The following ANKS4B variants were observed in gnomAD, a reference collection of about 807,000 sequenced individuals.
The protein encoded by ANKS4B is ankyrin repeat and SAM domain-containing protein 4B.
A neutral mutation model predicts 20.2 loss-of-function variants in ANKS4B; 21 were observed. The observed-to-expected ratio is 1.04, with a 90% confidence interval of 0.74 to 1.50. ANKS4B has a LOEUF of 1.50. Ranked by LOEUF, ANKS4B falls within the 40% of genes most tolerant of loss-of-function variation. ANKS4B has a pLI of 0.00. For missense variants in ANKS4B, 473 were observed against 494.6 expected, an observed-to-expected ratio of 0.96 and a Z score of 0.41; for synonymous variants, 179 against 194.5, an observed-to-expected ratio of 0.92 and a Z score of 0.66.
rs2093338786 is a variant in ANKS4B, at chr16:21,250,990, C to T, written c.*170C>T. Reference sequence around the variant, plus strand: ...TTTACTCTGGGAGGTAGGCTATGCCCATCCAAATAAATCTCCATGAGAAAC... The same window carrying T: ...TTTACTCTGGGAGGTAGGCTATGCCTATCCAAATAAATCTCCATGAGAAAC... On this transcript the variant is annotated 3_prime_UTR_variant, in exon 2 of 2. Transcript: ENST00000311620. 2 of 843,844 alleles carry T rather than the reference C, an allele frequency of 2.4e-6. No individual in the cohort carries two copies. Among genetic ancestry groups the T allele is most frequent in the Admixed American group, 3.1e-5 (1 of 32,706 alleles). The allele number at this position is 843,844 out of a possible 1,614,324, so 52.3% of individuals were successfully genotyped here. A position where few individuals can be genotyped will look rare whatever the true frequency, so the allele number is the denominator to read the frequency against.
chr16:21,247,008 C>A (rs892456178), intron 1 of ANKS4B, among the ~76,000 whole-genome samples: 4 of 151,820 alleles, frequency 2.6e-5, no homozygotes, highest in Admixed American at 2.6e-4. Flanking sequence ...GCGGATCTTG[C>A]TAAAGTGTAG....
chr16:21,245,880 G>A (rs575142871), intron 1 of ANKS4B, among the ~76,000 whole-genome samples: 4 of 152,276 alleles, frequency 2.6e-5, no homozygotes, highest in Admixed American at 2.6e-4. Flanking sequence ...GCAAGGGCAA[G>A]GATAATAAGT....
chr16:21,250,863 G>T lies in ANKS4B; in HGVS notation c.*43G>T. On this transcript the variant is annotated 3_prime_UTR_variant, in exon 2 of 2. Coordinates refer to ENST00000311620, the MANE Select transcript of ANKS4B (RefSeq NM_145865.3). Reference sequence around the variant, plus strand: ...GAGCATTGGGGTGATGCTGTGGCCCGCTGGCAGCACTCCAGGCGGCACCCC... The same window carrying T: ...GAGCATTGGGGTGATGCTGTGGCCCTCTGGCAGCACTCCAGGCGGCACCCC... The T allele has an allele frequency of 6.5e-7, 1 of 1,539,398 alleles. No individual in the cohort carries two copies. The highest frequency in any genetic ancestry group is 1.9e-5 in the Admixed American group (1 of 51,968).
Position 21,250,013 on chromosome 16 carries a change from G to A in ANKS4B, c.447G>A (p.Glu149=), listed in dbSNP as rs377207275. 3.1e-6 allele frequency: 5 copies of A among 1,614,086 alleles called. No homozygotes were observed. The highest frequency in any genetic ancestry group is 4.2e-6 in the Non-Finnish European group (5 of 1,180,050). ...AQKNARRQIK[E]CERLQEKHQN... is the part of the protein sequence containing the mutation. Reference sequence around the variant, plus strand: ...AGAATGCCAGGAGGCAGATCAAAGAGTGTGAGAGGCTCCAGGAGAAGCACC... The same window carrying A: ...AGAATGCCAGGAGGCAGATCAAAGAATGTGAGAGGCTCCAGGAGAAGCACC... The change falls in exon 2 of 2, where the codon GAG becomes GAA. Residue 149 remains glutamate (E), a synonymous_variant. Coordinates refer to ENST00000311620, the MANE Select transcript of ANKS4B (RefSeq NM_145865.3).
intron 1 of ANKS4B, among the ~76,000 whole-genome samples, chr16:21,245,428 G>T (rs1477435463): frequency 6.6e-6 from 1 of 152,118 alleles, no homozygotes; most frequent in Non-Finnish European, 1.5e-5. Flanking sequence ...AGGAGACAAG[G>T]CATAAATATT....
At position 21,243,646 on chromosome 16, in the gene ANKS4B, A is replaced by C. The variant is rs567159590; in HGVS notation, c.165-6085A>C. On this transcript the variant is annotated intron_variant, in intron 1 of 1. Transcript: ENST00000311620. ...GAGTGCAGTGGTGTGATCTCAGCTC[A>C]CTGCAAGCTCCGCCTCCTGGGTTCA... 2.6e-3 allele frequency among the ~76,000 whole-genome samples: 395 copies of C among 152,198 alleles called. 3 individuals are homozygous for C. The highest frequency in any genetic ancestry group is 8.7e-3 in the African/African-American group (363 of 41,504).
chr16:21,243,143 T>C (rs775662547), intron 1 of ANKS4B, among the ~76,000 whole-genome samples: 2 of 152,056 alleles, frequency 1.3e-5, no homozygotes, highest in Non-Finnish European at 2.9e-5. Context: ...GGAGGAAAAA[T>C]TGGAATGTAA....
chr16:21,234,333 C>G (rs777222853), intron 1 of ANKS4B, among the ~76,000 whole-genome samples: 4 of 151,960 alleles, frequency 2.6e-5, no homozygotes, highest in Admixed American at 6.6e-5. Context: ...ATCTCACAGT[C>G]TTTTATTAAC....
At chr16:21,242,603 G>C (rs1478668620) in intron 1 of ANKS4B, among the ~76,000 whole-genome samples, 1 of 152,190 alleles carries the variant, frequency 6.6e-6, no homozygotes, top group African/African-American at 2.4e-5. Context: ...TGTCGAAAAT[G>C]ACAGGATCCG....
intron 1 of ANKS4B, among the ~76,000 whole-genome samples, chr16:21,239,867 G>A (rs966362498): frequency 6.6e-6 from 1 of 152,150 alleles, no homozygotes; most frequent in African/African-American, 2.4e-5. Context: ...ATGAGAACAT[G>A]TTGGCTTAGT....
chr16:21,250,561 A>G lies in ANKS4B; in HGVS notation c.995A>G (p.Asp332Gly), dbSNP rs2093338102. The change falls in exon 2 of 2, where the codon GAT (aspartate) becomes GGT (glycine). Residue 332 changes from aspartate (D) to glycine (G), a missense_variant. Coordinates refer to ENST00000311620, the MANE Select transcript of ANKS4B (RefSeq NM_145865.3). ...GGCCTCAAAGATGATCTGCCGTGGG[A>G]TGACGATGAAGTGGAGTGGGAGGAA... is the stretch of plus-strand genomic sequence containing the variant. ...ENGLKDDLPW[D>G]DDEVEWEEDV... 6.2e-7 allele frequency: 1 copy of G among 1,614,174 alleles called. No individual in the cohort carries two copies. Among genetic ancestry groups the G allele is most frequent in the African/African-American group, 1.3e-5 (1 of 75,052 alleles).
intron 1 of ANKS4B, among the ~76,000 whole-genome samples, chr16:21,245,082 A>G (rs184375507): frequency 9.2e-5 from 14 of 152,258 alleles, no homozygotes; most frequent in Middle Eastern, 6.8e-3. Flanking sequence ...AATGTGTTTT[A>G]TTTGGACTTT....
chr16:21,250,173 G>A lies in ANKS4B; in HGVS notation c.607G>A (p.Asp203Asn), dbSNP rs544595049. ...CGGGTCACTATCTAAGGGCATTAAA[G>A]ACACTTTCAAGATCAAGTTCAAGAA... ...TFGSLSKGIK[D>N]TFKIKFKKNK... The change falls in exon 2 of 2, where the codon GAC (aspartate) becomes AAC (asparagine). Residue 203 changes from aspartate (D) to asparagine (N), a missense_variant. Transcript: ENST00000311620. 1.2e-6 allele frequency: 2 copies of A among 1,614,158 alleles called. No individual in the cohort carries two copies. The highest frequency in any genetic ancestry group is 1.3e-5 in the African/African-American group (1 of 75,020).
rs934951653 is a variant in ANKS4B at position 21,252,764 on chromosome 16, C to T, written c.*1944C>T. On this transcript the variant is annotated 3_prime_UTR_variant, in exon 2 of 2. Transcript: ENST00000311620. ...GAAACTGACAACACTTGGCTCATGC[C>T]TGTAATCCCAGCACTTTGGGAGGCC... The T allele has an allele frequency of 2.6e-5, 4 of 152,216 alleles. No homozygotes were observed. Among genetic ancestry groups the T allele is most frequent in the Admixed American group, 2.0e-4 (3 of 15,282 alleles). 9.4% of individuals were successfully genotyped at this position (152,216 alleles called of 1,614,324 possible). A position where few individuals can be genotyped will look rare whatever the true frequency, so the allele number is the denominator to read the frequency against.
chr16:21,233,764 T>C lies in ANKS4B; in HGVS notation c.27T>C (p.Ala9=), dbSNP rs745804398. The change falls in exon 1 of 2, where the codon GCT becomes GCC. Residue 9 remains alanine (A), a synonymous_variant. Transcript: ENST00000311620. ...TGTCTACTCGTTACCACCAAGCTGC[T>C]AGTGATAGTTACCTGGAACTTCTAA... The part of the protein sequence containing the change: MSTRYHQA[A]SDSYLELLKE... 2.5e-6 allele frequency: 4 copies of C among 1,614,038 alleles called. No individual in the cohort carries two copies. The highest frequency in any genetic ancestry group is 1.7e-5 in the Admixed American group (1 of 60,010).
chr16:21,247,491 T>G lies in ANKS4B; in HGVS notation c.165-2240T>G, dbSNP rs190720878. Among the ~76,000 whole-genome samples the G allele has an allele frequency of 1.3e-3, 197 of 152,326 alleles. 1 individual carries two copies. Among genetic ancestry groups the G allele is most frequent in the African/African-American group, 4.7e-3 (194 of 41,584 alleles). On this transcript the variant is annotated intron_variant, in intron 1 of 1. Transcript: ENST00000311620. ...GGGTGCAGATCTTCTCTTCTGCTTC[T>G]GTCTGCCCTCTACTTCTCGGGAATG... is the stretch of plus-strand genomic sequence containing the variant.
At chr16:21,244,904 A>G (rs12445673) in intron 1 of ANKS4B, among the ~76,000 whole-genome samples, 44,504 of 151,024 alleles carry the variant, frequency 0.29, 6,722 homozygotes, top group Middle Eastern at 0.4. Context: ...TTCCTTTTCC[A>G]CTCTTTCCCC....
Position 21,253,514 on chromosome 16 carries a change from A to G in ANKS4B, c.*2694A>G, listed in dbSNP as rs929970369. The G allele has an allele frequency of 6.6e-6, 1 of 152,176 alleles. No homozygotes were observed. The highest frequency in any genetic ancestry group is 2.4e-5 in the African/African-American group (1 of 41,440). The allele number at this position is 152,176 out of a possible 1,614,324, so 9.4% of individuals were successfully genotyped here. A position where few individuals can be genotyped will look rare whatever the true frequency, so the allele number is the denominator to read the frequency against. On this transcript the variant is annotated 3_prime_UTR_variant, in exon 2 of 2. Coordinates refer to ENST00000311620, the MANE Select transcript of ANKS4B (RefSeq NM_145865.3). ...TGTAGTCTGTGCCTGCCACTATTATATTTCATCATCATAGATGCCAGAATC... is the reference window on the plus strand; with the variant it reads ...TGTAGTCTGTGCCTGCCACTATTATGTTTCATCATCATAGATGCCAGAATC...
chr16:21,239,257 G>C (rs1408082830), intron 1 of ANKS4B, among the ~76,000 whole-genome samples: 1 of 152,048 alleles, frequency 6.6e-6, no homozygotes, highest in Non-Finnish European at 1.5e-5. Flanking sequence ...TCATTACTGG[G>C]TATATACCCA....
Sources: allele counts gnomAD v4.1 joint callset (sites outside exome capture counted in the v4.1 genomes callset), GRCh38; gene constraint gnomAD v4.1.1; transcripts MANE v1.5; gene names NCBI Gene and HGNC (gene_info 2026-07-23, HGNC 2026-07-21).